Variants in TRAPPC8 observed in about 807,000 individuals in gnomAD.
The protein encoded by TRAPPC8 is general sporulation gene 1 homolog.
A neutral mutation model predicts 174.3 loss-of-function variants in TRAPPC8; 54 were observed. The observed-to-expected ratio is 0.31, with a 90% confidence interval of 0.25 to 0.39. TRAPPC8 has a LOEUF of 0.39. Ranked by LOEUF, TRAPPC8 falls within the 10% of genes least tolerant of loss-of-function variation. The pLI is 1.00. For synonymous variants in TRAPPC8, 630 were observed against 579.9 expected (o/e 1.09, Z -1.24); for missense variants, 1,531 against 1,699.1 (o/e 0.90, Z 1.74).
chr18:31,927,427 T>C (rs1568146802), intron 2 of TRAPPC8, among the ~76,000 whole-genome samples: 1 of 152,184 alleles, frequency 6.6e-6, no homozygotes, highest in Non-Finnish European at 1.5e-5. Context: ...TGGCTAATTT[T>C]TGAATTTTTA....
chr18:31,876,007 A>G (rs1233230080), intron 12 of TRAPPC8, among the ~76,000 whole-genome samples: 1 of 152,212 alleles, frequency 6.6e-6, no homozygotes, highest in Non-Finnish European at 1.5e-5. Flanking sequence ...CAGCAGGGTG[A>G]CTATAGTTTA....
intron 26 of TRAPPC8, among the ~76,000 whole-genome samples, chr18:31,842,625 T>C (rs905226612): frequency 3.1e-4 from 47 of 152,224 alleles, no homozygotes; most frequent in African/African-American, 1.1e-3. Context: ...GATGGACAGT[T>C]TCTTTCTTTA....
chr18:31,943,040 C>G lies in TRAPPC8; in HGVS notation c.-276G>C, dbSNP rs1598779620. ...TAGGTGGAGACGCCGACAGTCACCA[C>G]TTAGTCCTTCGGACGGCAAAACCTT... On this transcript the variant is annotated 5_prime_UTR_variant, in exon 1 of 29. Transcript: ENST00000283351. The G allele has an allele frequency of 1.8e-6, 1 of 552,604 alleles. No homozygotes were observed. The highest frequency in any genetic ancestry group is 5.2e-4 in the Middle Eastern group (1 of 1,922). The allele number at this position is 552,604 out of a possible 1,614,324, so 34.2% of individuals were successfully genotyped here. A position where few individuals can be genotyped will look rare whatever the true frequency, so the allele number is the denominator to read the frequency against.
chr18:31,837,463 G>A (rs1397567549), intron 27 of TRAPPC8, among the ~76,000 whole-genome samples: 4 of 152,124 alleles, frequency 2.6e-5, no homozygotes, highest in East Asian at 1.9e-4. Context: ...TTGGGAGGCC[G>A]AGGCAATCTG....
chr18:31,882,704 C>T (rs151124281), intron 12 of TRAPPC8, among the ~76,000 whole-genome samples: 200 of 152,004 alleles, frequency 1.3e-3, no homozygotes, highest in Middle Eastern at 3.4e-3. Flanking sequence ...GCAACCTCTG[C>T]CTCCTGGGTT....
intron 1 of TRAPPC8, among the ~76,000 whole-genome samples, chr18:31,936,857 G>C (rs2038120874): frequency 1.5e-5 from 2 of 137,392 alleles, no homozygotes; most frequent in South Asian, 5.0e-4. Flanking sequence ...AGCTAAGATT[G>C]TGCGACGGCA....
At chr18:31,861,898 C>A (rs1348833692) in intron 19 of TRAPPC8, among the ~76,000 whole-genome samples, 2 of 120,208 alleles carry the variant, frequency 1.7e-5, no homozygotes, top group Admixed American at 2.4e-4. Flanking sequence ...GCACTTCAGC[C>A]TGGGTGACAG....
At chr18:31,910,355 C>G (rs1045102010) in intron 5 of TRAPPC8, among the ~76,000 whole-genome samples, 1 of 152,142 alleles carries the variant, frequency 6.6e-6, no homozygotes, top group African/African-American at 2.4e-5. Flanking sequence ...CTGAGTGTCA[C>G]ACTTTGAGGG....
intron 12 of TRAPPC8, among the ~76,000 whole-genome samples, chr18:31,875,432 G>T (rs190097235): frequency 6.6e-6 from 1 of 151,884 alleles, no homozygotes; most frequent in Non-Finnish European, 1.5e-5. Flanking sequence ...CTGCCTGCCT[G>T]CCTGCCAGAA....
chr18:31,923,742 A>C (rs1017746190), intron 2 of TRAPPC8, among the ~76,000 whole-genome samples: 3 of 146,042 alleles, frequency 2.1e-5, no homozygotes, highest in African/African-American at 4.9e-5. Flanking sequence ...TAAAAGGGAA[A>C]GAAGCTAAAA....
rs548673071 is a variant in TRAPPC8, at chr18:31,841,986, T to A, written c.3838-2529A>T. ...CCTGGCCTCAAGCAATCCTCCCACC[T>A]CAGTCTTCTATGCAGCTGGGACTAA... On this transcript the variant is annotated intron_variant, in intron 26 of 28. Coordinates refer to ENST00000283351, the MANE Select transcript of TRAPPC8 (RefSeq NM_014939.5). Among the ~76,000 whole-genome samples the A allele has an allele frequency of 3.5e-4, 53 of 152,164 alleles. 1 individual carries two copies. Among genetic ancestry groups the A allele is most frequent in the African/African-American group, 1.3e-3 (52 of 41,444 alleles).
chr18:31,869,690 AAG>A (rs1279696769), intron 16 of TRAPPC8, among the ~76,000 whole-genome samples: 2 of 152,222 alleles, frequency 1.3e-5, no homozygotes, highest in African/African-American at 2.4e-5. Context: ...ATAAAATATT[AAG>A]ACACTTTGAT....
At chr18:31,933,706 A>G (rs1414839440) in intron 1 of TRAPPC8, among the ~76,000 whole-genome samples, 1 of 152,184 alleles carries the variant, frequency 6.6e-6, no homozygotes, top group Admixed American at 6.6e-5. Flanking sequence ...AAAATGCCTT[A>G]TACCAAAATC....
chr18:31,890,314 T>C (rs1390301826), intron 12 of TRAPPC8, among the ~76,000 whole-genome samples: 2 of 152,174 alleles, frequency 1.3e-5, no homozygotes, highest in African/African-American at 4.8e-5. Context: ...ATTAAGTATT[T>C]AGTCAATAGC....
intron 2 of TRAPPC8, among the ~76,000 whole-genome samples, chr18:31,926,904 A>G (rs563206328): frequency 6.6e-6 from 1 of 152,326 alleles, no homozygotes; most frequent in South Asian, 2.1e-4. Flanking sequence ...ATCCTTATCA[A>G]TGATAATGAG....
chr18:31,937,013 C>A (rs2038134761), intron 1 of TRAPPC8, among the ~76,000 whole-genome samples: 1 of 150,576 alleles, frequency 6.6e-6, no homozygotes, highest in African/African-American at 2.4e-5. Context: ...GAGATCAAGA[C>A]CATCCTGGCT....
chr18:31,917,340 G>C (rs1416490567), intron 3 of TRAPPC8, among the ~76,000 whole-genome samples: 1 of 151,304 alleles, frequency 6.6e-6, no homozygotes, highest in Non-Finnish European at 1.5e-5. Context: ...AGAAAAATAA[G>C]CAAGCCCTCT....
intron 3 of TRAPPC8, 29 bp downstream of exon 3, chr18:31,917,549 T>C (rs751635662): frequency 1.3e-5 from 21 of 1,572,274 alleles, no homozygotes; most frequent in Non-Finnish European, 1.6e-5. Context: ...AATATTTGAT[T>C]TGAGGAGAAC....
chr18:31,912,479 G>A lies in TRAPPC8; in HGVS notation c.771+890C>T, dbSNP rs1451702493. Reference sequence around the variant, plus strand: ...TGCACCCCAGCCTGGGCAACAGAGCGAGACTCTTTGTCTCCAAAAAAAAAA... The same window carrying A: ...TGCACCCCAGCCTGGGCAACAGAGCAAGACTCTTTGTCTCCAAAAAAAAAA... On this transcript the variant is annotated intron_variant, in intron 5 of 28. Coordinates refer to ENST00000283351, the MANE Select transcript of TRAPPC8 (RefSeq NM_014939.5). Among the ~76,000 whole-genome samples, 13 of 148,910 alleles carry A rather than the reference G, an allele frequency of 8.7e-5. No individual in the cohort carries two copies. In the East Asian group the frequency reaches 1.9e-3, roughly 21 times the overall value.
Sources: gnomAD v4.1 joint callset for allele counts (sites outside exome capture counted in the v4.1 genomes callset) on GRCh38, gnomAD v4.1.1 for gene constraint, MANE v1.5 for transcripts, NCBI Gene and HGNC (gene_info 2026-07-23, HGNC 2026-07-21) for gene names.